The following CEP112 variants were observed in gnomAD, a reference collection of about 807,000 sequenced individuals.
CEP112 encodes centrosomal protein 112.
A neutral mutation model predicts 153.0 loss-of-function variants in CEP112; 127 were observed. That is an observed-to-expected ratio of 0.83 (90% CI 0.72 to 0.96). The LOEUF (loss-of-function observed/expected upper bound fraction) is 0.96. CEP112 is among the 40% of genes least tolerant of loss of function. CEP112 has a pLI of 0.00. For missense variants in CEP112, 1,089 were observed against 1,101.2 expected, an observed-to-expected ratio of 0.99 and a Z score of 0.16; for synonymous variants, 358 against 374.4, an observed-to-expected ratio of 0.96 and a Z score of 0.51.
chr17:65,684,426 C>T (rs917874263), intron 24 of CEP112, among the ~76,000 whole-genome samples: 1 of 152,164 alleles, frequency 6.6e-6, no homozygotes, highest in Non-Finnish European at 1.5e-5. Context: ...GAATTTTGCT[C>T]TGTGTATGTT....
chr17:65,906,405 C>G (rs1231564876), intron 19 of CEP112, among the ~76,000 whole-genome samples: 2 of 151,806 alleles, frequency 1.3e-5, no homozygotes, highest in Non-Finnish European at 2.9e-5. Flanking sequence ...GATCCCAGAA[C>G]TTAAAGTATA....
At chr17:65,958,100 C>T (rs2062060672) in intron 18 of CEP112, among the ~76,000 whole-genome samples, 1 of 151,994 alleles carries the variant, frequency 6.6e-6, no homozygotes, top group South Asian at 2.1e-4. Flanking sequence ...AAATTTGTTT[C>T]TACTTCTTTG....
At chr17:66,089,625 C>T (rs2068063812) in intron 8 of CEP112, among the ~76,000 whole-genome samples, 1 of 151,690 alleles carries the variant, frequency 6.6e-6, no homozygotes, top group Non-Finnish European at 1.5e-5. Context: ...AGAAAATATG[C>T]AGTCAGAGAA....
At chr17:66,168,060 CACAA>C (rs1427133783) in intron 4 of CEP112, among the ~76,000 whole-genome samples, 10 of 152,192 alleles carry the variant, frequency 6.6e-5, no homozygotes, top group African/African-American at 1.9e-4. Flanking sequence ...AATGTGTATG[CACAA>C]ACATTTTAAC....
In CEP112 at chr17:65,637,177, C is replaced by A. The variant is rs75033823; in HGVS notation, c.2811G>T (p.Leu937=). Residue 937 remains leucine (L), a synonymous_variant, in exon 26 of 27, where the codon CTG becomes CTT. Coordinates refer to ENST00000535342, the MANE Select transcript of CEP112 (RefSeq NM_001199165.4). ...ISSLKSQVNF[L]QKRASILQEE... is the part of the protein sequence containing the mutation. Reference sequence around the variant, plus strand: ...CCTGAAGGATGGAAGCTCTCTTTTGCAGAAAATTAACCTAGAAAAGACACC... The same window carrying A: ...CCTGAAGGATGGAAGCTCTCTTTTGAAGAAAATTAACCTAGAAAAGACACC... 3,446 of 1,613,708 alleles carry A rather than the reference C, an allele frequency of 2.1e-3. 52 individuals are homozygous for A. The African/African-American group carries it at 0.031, about 14-fold the overall frequency.
intron 4 of CEP112, among the ~76,000 whole-genome samples, chr17:66,165,328 T>C (rs1005778260): frequency 4.6e-5 from 7 of 152,188 alleles, no homozygotes; most frequent in African/African-American, 1.7e-4. Context: ...AAGTGTTCAA[T>C]AGTCACGTTT....
chr17:66,076,378 G>C (rs2067497474), intron 8 of CEP112, among the ~76,000 whole-genome samples: 1 of 152,070 alleles, frequency 6.6e-6, no homozygotes, highest in South Asian at 2.1e-4. Context: ...ACATGGTGGG[G>C]GTGAGACCAG....
intron 21 of CEP112, among the ~76,000 whole-genome samples, chr17:65,822,653 T>C (rs1169343440): frequency 6.6e-6 from 1 of 152,178 alleles, no homozygotes; most frequent in Non-Finnish European, 1.5e-5. Context: ...GTATTTTCCC[T>C]GGTACATTTG....
At chr17:65,778,159 C>T (rs558024911) in intron 21 of CEP112, among the ~76,000 whole-genome samples, 10 of 152,302 alleles carry the variant, frequency 6.6e-5, no homozygotes, top group South Asian at 6.2e-4. Context: ...CTTTCAAACA[C>T]CACCTTTATC....
At chr17:65,692,215 T>G (rs2048138717) in intron 23 of CEP112, among the ~76,000 whole-genome samples, 2 of 150,950 alleles carry the variant, frequency 1.3e-5, no homozygotes, top group Non-Finnish European at 2.9e-5. Context: ...AGTAAGACAC[T>G]GCACTGGAAT....
intron 20 of CEP112, among the ~76,000 whole-genome samples, chr17:65,886,544 G>T (rs1478679797): frequency 6.6e-6 from 1 of 152,160 alleles, no homozygotes; most frequent in Non-Finnish European, 1.5e-5. Context: ...TTCCTAGGAA[G>T]TCCAAAACTA....
chr17:65,705,458 A>C (rs905240705), intron 23 of CEP112, among the ~76,000 whole-genome samples: 4 of 152,374 alleles, frequency 2.6e-5, no homozygotes, highest in Admixed American at 2.0e-4. Flanking sequence ...GAAGGTACAG[A>C]GTTGGGTAAG....
intron 17 of CEP112, among the ~76,000 whole-genome samples, chr17:65,965,951 G>T (rs1313134372): frequency 6.6e-6 from 1 of 152,098 alleles, no homozygotes; most frequent in Non-Finnish European, 1.5e-5. Flanking sequence ...ACAGGCAAAG[G>T]TCTGCTCCTA....
intron 17 of CEP112, among the ~76,000 whole-genome samples, chr17:65,968,477 T>C (rs2062496149): frequency 6.6e-6 from 1 of 152,180 alleles, no homozygotes; most frequent in Non-Finnish European, 1.5e-5. Context: ...TCATTATAGA[T>C]GATTTCTAAG....
intron 16 of CEP112, among the ~76,000 whole-genome samples, chr17:66,010,729 T>C (rs1241386785): frequency 1.3e-5 from 2 of 152,222 alleles, no homozygotes; most frequent in Non-Finnish European, 2.9e-5. Flanking sequence ...GTGGGTTTTG[T>C]CTTTAGTTCT....
intron 2 of CEP112, among the ~76,000 whole-genome samples, chr17:66,178,733 G>A (rs2072593857): frequency 1.3e-5 from 2 of 152,020 alleles, no homozygotes; most frequent in Admixed American, 1.3e-4. Flanking sequence ...TTTGTATATG[G>A]TGGGAGACAA....
intron 24 of CEP112, among the ~76,000 whole-genome samples, chr17:65,677,202 A>G (rs538844497): frequency 6.6e-6 from 1 of 152,278 alleles, no homozygotes; most frequent in Non-Finnish European, 1.5e-5. Context: ...CACATACAAA[A>G]CCTAAAAAGG....
chr17:66,037,359 A>G (rs1471722007), intron 12 of CEP112, among the ~76,000 whole-genome samples: 1 of 151,990 alleles, frequency 6.6e-6, no homozygotes, highest in Non-Finnish European at 1.5e-5. Context: ...TCTTCCCGTG[A>G]CCACCTCTCT....
chr17:65,960,579 C>T (rs1431143390), intron 18 of CEP112, among the ~76,000 whole-genome samples: 2 of 152,202 alleles, frequency 1.3e-5, no homozygotes, highest in East Asian at 3.8e-4. Flanking sequence ...TGGGCACATC[C>T]TCCTGTGTAC....
Sources: allele counts gnomAD v4.1 joint callset (sites outside exome capture counted in the v4.1 genomes callset), GRCh38; gene constraint gnomAD v4.1.1; transcripts MANE v1.5; gene names NCBI Gene and HGNC (gene_info 2026-07-23, HGNC 2026-07-21).